Variants in MCC observed in about 807,000 individuals in gnomAD.
The protein encoded by MCC is colorectal mutant cancer protein.
Under a neutral mutation model 116.2 loss-of-function variants are expected in MCC, and 90 were observed. The ratio of observed to expected loss-of-function variants is 0.77; its 90% CI spans 0.65 to 0.92. The LOEUF (loss-of-function observed/expected upper bound fraction) is 0.92. Among genes scored for constraint, MCC ranks in the 40% least tolerant of loss-of-function variants. MCC has a pLI of 0.00. For synonymous variants in MCC, 578 were observed against 510.5 expected (o/e 1.13, Z -1.78); for missense variants, 1,516 against 1,312.2 (o/e 1.16, Z -2.40).
chr5:113,107,268 A>G (rs952264860), intron 6 of MCC, among the ~76,000 whole-genome samples: 1 of 137,304 alleles, frequency 7.3e-6, no homozygotes, highest in Non-Finnish European at 1.5e-5. Context: ...CCCAGGCTGG[A>G]GTGCAGTGGT....
chr5:113,302,919 C>T (rs1766898740), intron 3 of MCC, among the ~76,000 whole-genome samples: 1 of 152,118 alleles, frequency 6.6e-6, no homozygotes, highest in Non-Finnish European at 1.5e-5. Context: ...ATGTTTGTGG[C>T]TTAGAACTTG....
chr5:113,393,574 A>G (rs1414250581), intron 1 of MCC, among the ~76,000 whole-genome samples: 5 of 152,198 alleles, frequency 3.3e-5, no homozygotes, highest in African/African-American at 1.2e-4. Flanking sequence ...ATCTCTCAAT[A>G]TAGTTTTCTC....
chr5:113,124,087 A>G (rs1287779275), intron 5 of MCC, among the ~76,000 whole-genome samples: 1 of 152,252 alleles, frequency 6.6e-6, no homozygotes, highest in Admixed American at 6.5e-5. Context: ...CCCGTGCTTT[A>G]TAAGGTATTG....
intron 13 of MCC, 96 bp from the exon 14 acceptor site, chr5:113,064,263 G>C (rs1005019164): frequency 2.2e-5 from 26 of 1,165,762 alleles, no homozygotes; most frequent in Non-Finnish European, 3.0e-5. Context: ...ACTTAGGGCA[G>C]AGGTGGCACT....
chr5:113,233,325 C>T (rs1424022446), intron 3 of MCC, among the ~76,000 whole-genome samples: 2 of 152,174 alleles, frequency 1.3e-5, no homozygotes, highest in East Asian at 3.8e-4. Flanking sequence ...TGATGTTTTC[C>T]TATAATTATC....
intron 8 of MCC, among the ~76,000 whole-genome samples, chr5:113,094,662 C>G (rs1755895004): frequency 6.6e-6 from 1 of 152,058 alleles, no homozygotes; most frequent in Admixed American, 6.5e-5. Flanking sequence ...CCTTGTGACC[C>G]ACCCGCCTCA....
chr5:113,413,724 T>C (rs1365325019), intron 1 of MCC, among the ~76,000 whole-genome samples: 1 of 152,192 alleles, frequency 6.6e-6, no homozygotes, highest in Non-Finnish European at 1.5e-5. Flanking sequence ...AAAAACCAGC[T>C]CTTGGATTCA....
chr5:113,081,199 CAGGT>C (rs1186498054), intron 11 of MCC, among the ~76,000 whole-genome samples: 1 of 152,160 alleles, frequency 6.6e-6, no homozygotes, highest in Non-Finnish European at 1.5e-5. Flanking sequence ...TAAGAACCCC[CAGGT>C]TCCCGCAGCA....
At chr5:113,393,617 C>T (rs1209818355) in intron 1 of MCC, among the ~76,000 whole-genome samples, 1 of 152,112 alleles carries the variant, frequency 6.6e-6, no homozygotes, top group Non-Finnish European at 1.5e-5. Context: ...ATTTATAGTC[C>T]CACTAGCAGT....
intron 1 of MCC, chr5:113,400,140 T>TTTTTA (rs869250781): frequency 8.5e-6 from 1 of 118,190 alleles, no homozygotes; most frequent in African/African-American, 3.2e-5. Context: ...TTTTTTTTTT[T>TTTTTA]GAGATGGAGT....
chr5:113,078,623 A>C (rs994879786), intron 11 of MCC, among the ~76,000 whole-genome samples: 1 of 152,230 alleles, frequency 6.6e-6, no homozygotes, highest in Non-Finnish European at 1.5e-5. Flanking sequence ...TCATGCTAAA[A>C]ACTCTCAATA....
In MCC at chr5:113,025,096, T is replaced by C. The variant is rs1750441507; in HGVS notation, c.*2206A>G. The C allele has an allele frequency of 6.6e-6, 1 of 152,106 alleles. No individual in the cohort carries two copies. Among genetic ancestry groups the C allele is most frequent in the South Asian group, 2.1e-4 (1 of 4,822 alleles). 9.4% of individuals were successfully genotyped at this position (152,106 alleles called of 1,614,324 possible). A position where few individuals can be genotyped will look rare whatever the true frequency, so the allele number is the denominator to read the frequency against. On this transcript the variant is annotated 3_prime_UTR_variant, in exon 19 of 19. Coordinates refer to ENST00000408903, the MANE Select transcript of MCC (RefSeq NM_001085377.2). ...ACAGAAGTCAGTAGGCAGGATTTTA[T>C]TCCTGCTTCAGCCACATGTTTCTGT... is the stretch of plus-strand genomic sequence containing the variant.
chr5:113,237,024 A>C lies in MCC; in HGVS notation c.628-85602T>G, dbSNP rs1305594408. Reference sequence around the variant, plus strand: ...GAAAAAATTGAGAAGGAAAGTGGCAACGGGGCTCCTGATCCACTGGAAGTC... The same window carrying C: ...GAAAAAATTGAGAAGGAAAGTGGCACCGGGGCTCCTGATCCACTGGAAGTC... On this transcript the variant is annotated intron_variant, in intron 3 of 18. Coordinates refer to ENST00000408903, the MANE Select transcript of MCC (RefSeq NM_001085377.2). 3.9e-5 allele frequency among the ~76,000 whole-genome samples: 6 copies of C among 152,202 alleles called. No individual in the cohort carries two copies. The East Asian group carries it at 1.2e-3, about 29-fold the overall frequency.
intron 6 of MCC, among the ~76,000 whole-genome samples, chr5:113,118,030 C>T (rs963604788): frequency 3.9e-5 from 6 of 152,166 alleles, no homozygotes; most frequent in South Asian, 4.1e-4. Context: ...GAAACACAGG[C>T]GGCAACAACA....
chr5:113,395,645 T>C (rs1055043010), intron 1 of MCC, among the ~76,000 whole-genome samples: 1 of 152,204 alleles, frequency 6.6e-6, no homozygotes, highest in African/African-American at 2.4e-5. Flanking sequence ...CTTTAAATAC[T>C]GAAGGCTTCA....
intron 3 of MCC, among the ~76,000 whole-genome samples, chr5:113,168,813 G>A (rs1760911602): frequency 6.6e-6 from 1 of 152,086 alleles, no homozygotes; most frequent in South Asian, 2.1e-4. Flanking sequence ...CAACAGACTA[G>A]TCCACAAGGC....
At chr5:113,191,094 T>C (rs1762130144) in intron 3 of MCC, among the ~76,000 whole-genome samples, 1 of 152,128 alleles carries the variant, frequency 6.6e-6, no homozygotes, top group Admixed American at 6.5e-5. Flanking sequence ...AAAACGATAA[T>C]CACCTCCTTT....
At chr5:113,233,100 T>A (rs1184725406) in intron 3 of MCC, among the ~76,000 whole-genome samples, 2 of 152,140 alleles carry the variant, frequency 1.3e-5, no homozygotes, top group South Asian at 2.1e-4. Flanking sequence ...CTATCACTAA[T>A]ATTAGTGAAG....
Position 113,456,623 on chromosome 5 carries a change from A to ATTTTTTTTTTTTTTTTTTTTTTTTT in MCC, c.170+31597_170+31621dup, listed in dbSNP as rs34111159. On this transcript the variant is annotated intron_variant, in intron 1 of 18. Transcript: ENST00000408903. ...AGTCACCCGCCACCATGCCCAGCTA[A>ATTTTTTTTTTTTTTTTTTTTTTTTT]TTTTTTTTTTTTTTTTTTTTTTTTT... is the stretch of plus-strand genomic sequence containing the variant. 3.9e-5 allele frequency among the ~76,000 whole-genome samples: 2 copies of ATTTTTTTTTTTTTTTTTTTTTTTTT among 51,066 alleles called. 1 individual carries two copies. Among genetic ancestry groups the ATTTTTTTTTTTTTTTTTTTTTTTTT allele is most frequent in the Non-Finnish European group, 6.9e-5 (2 of 28,978 alleles). 33.5% of individuals were successfully genotyped at this position (51,066 alleles called of 152,430 possible).
Sources: allele counts gnomAD v4.1 joint callset (sites outside exome capture counted in the v4.1 genomes callset), GRCh38; gene constraint gnomAD v4.1.1; transcripts MANE v1.5; gene names NCBI Gene and HGNC (gene_info 2026-07-23, HGNC 2026-07-21).